TTN: variants seen among roughly 807,000 people sequenced by gnomAD.
TTN encodes the protein titin.
TTN carries 1,525 observed loss-of-function variants against 3,223.0 expected under a neutral mutation model. That is an observed-to-expected ratio of 0.47 (90% CI 0.45 to 0.49). The LOEUF (loss-of-function observed/expected upper bound fraction) is 0.49. Among genes scored for constraint, TTN ranks in the 20% least tolerant of loss-of-function variants. The pLI, the probability that TTN is intolerant of heterozygous loss-of-function variation, is 0.00. For synonymous variants in TTN, 14,094 were observed against 15,161.0 expected (o/e 0.93, Z 5.17); for missense variants, 40,786 against 43,424.0 (o/e 0.94, Z 5.40).
In TTN at chr2:178,774,311, C is replaced by A; in HGVS notation, c.6953G>T (p.Arg2318Leu). The change falls in exon 30 of 363, where the codon CGT (arginine) becomes CTT (leucine). Residue 2318 changes from arginine (R) to leucine (L), a missense_variant. Coordinates refer to ENST00000589042, the MANE Select transcript of TTN (RefSeq NM_001267550.2). ...SNGKYTITSR[R>L]GRQNLTVKDV... ...CTTGACCGTGAGGTTCTGACGTCCA[C>A]GACGAGATGTAATTGTATATTTGCC... 2 of 1,614,032 alleles carry A rather than the reference C, an allele frequency of 1.2e-6. No homozygotes were observed. Among genetic ancestry groups the A allele is most frequent in the South Asian group, 2.2e-5 (2 of 91,074 alleles).
chr2:178,679,840 C>T (rs900708569), intron 140 of TTN, 54 bp downstream of exon 140: 3 of 1,600,718 alleles, frequency 1.9e-6, no homozygotes, highest in African/African-American at 1.3e-5. Context: ...CCAAATCAGA[C>T]CCCCAAACTC....
chr2:178,532,785 G>A lies in TTN; in HGVS notation c.103830C>T (p.Arg34610=), dbSNP rs1321633640. 2 of 1,613,838 alleles carry A rather than the reference G, an allele frequency of 1.2e-6. No homozygotes were observed. Among genetic ancestry groups the A allele is most frequent in the African/African-American group, 1.3e-5 (1 of 74,930 alleles). The change falls in exon 358 of 363, where the codon CGC becomes CGT. Residue 34610 remains arginine (R), a synonymous_variant. Transcript: ENST00000589042. ...WEQFYVMPLP[R]ITDQYRPKWR... ...ATTTAGGTCTGTATTGATCTGTAAT[G>A]CGTGGAAGAGGCATCACATAGAACT... is the stretch of plus-strand genomic sequence containing the variant.
rs751883286 is a variant in TTN, at chr2:178,589,786, T to G, written c.61939A>C (p.Lys20647Gln). 6.2e-7 allele frequency: 1 copy of G among 1,613,592 alleles called. No individual in the cohort carries two copies. The highest frequency in any genetic ancestry group is 1.7e-5 in the Admixed American group (1 of 59,998). The change falls in exon 304 of 363, where the codon AAA (lysine) becomes CAA (glutamine). Residue 20647 changes from lysine (K) to glutamine (Q), a missense_variant. Coordinates refer to ENST00000589042, the MANE Select transcript of TTN (RefSeq NM_001267550.2). ...TCGATGGTTGGCCCAACACCTACTT[T>G]ATTCTCTGCACAAACTCGGAAATAG... is the stretch of plus-strand genomic sequence containing the variant. Reference protein sequence around the residue: ...EYYFRVCAENKVGVGPTIETK... With the variant: ...EYYFRVCAENQVGVGPTIETK...
At position 178,589,612 on chromosome 2, in the gene TTN, C is replaced by T. The variant is rs1318869377; in HGVS notation, c.62113G>A (p.Val20705Ile). 2 of 1,613,108 alleles carry T rather than the reference C, an allele frequency of 1.2e-6. No individual in the cohort carries two copies. Among genetic ancestry groups the T allele is most frequent in the African/African-American group, 1.3e-5 (1 of 74,876 alleles). The change falls in exon 304 of 363, where the codon GTT (valine) becomes ATT (isoleucine). Residue 20705 changes from valine (V) to isoleucine (I), a missense_variant. Transcript: ENST00000589042. ...TCGGAGCCCTTAAGCCTTCTCTCAACATGATATGACAGATTTGGACTGCCA... is the reference window on the plus strand; with the variant it reads ...TCGGAGCCCTTAAGCCTTCTCTCAATATGATATGACAGATTTGGACTGCCA... ...DGGSPNLSYHVERRLKGSDDW... is the reference protein window; with the variant it reads ...DGGSPNLSYHIERRLKGSDDW...
rs773477768 is a variant in TTN, at chr2:178,578,919, C to T, written c.68111G>A (p.Arg22704Lys). 1 of 1,613,278 alleles carries T rather than the reference C, an allele frequency of 6.2e-7. No homozygotes were observed. Among genetic ancestry groups the T allele is most frequent in the South Asian group, 1.1e-5 (1 of 91,062 alleles). ...CATGCCCTCATGAAGTCTGGTTACTCTAAAGGTGGTTTTCTGGACAGCTGA... is the reference window on the plus strand; with the variant it reads ...CATGCCCTCATGAAGTCTGGTTACTTTAAAGGTGGTTTTCTGGACAGCTGA... Reference protein sequence around the residue: ...CASAVQKTTFRVTRLHEGMEY... With the variant: ...CASAVQKTTFKVTRLHEGMEY... The change falls in exon 320 of 363, where the codon AGA becomes AAA. Residue 22704 changes from arginine (R) to lysine (K), a missense_variant. By Grantham distance (26) the Arg-to-Lys change is conservative (BLOSUM62 2). Transcript: ENST00000589042.
Position 178,786,082 on chromosome 2 carries a change from G to C in TTN, c.2136C>G (p.Ala712=), listed in dbSNP as rs780975116. Residue 712 remains alanine (A), a synonymous_variant, in exon 14 of 363, where the codon GCC becomes GCG. Coordinates refer to ENST00000589042, the MANE Select transcript of TTN (RefSeq NM_001267550.2). ...CAGGCTCTCTGGGCTCTCTGACTCG[G>C]GCCTGGTCTACTGCAGCAACAACTG... ...VATVVAAVDQ[A]RVREPREPGH... 1.2e-6 allele frequency: 2 copies of C among 1,613,960 alleles called. No individual in the cohort carries two copies. Among genetic ancestry groups the C allele is most frequent in the South Asian group, 2.2e-5 (2 of 91,062 alleles).
rs61060584 is a variant in TTN at position 178,677,335 on chromosome 2, CATATATAT to C, written c.34292-56_34292-49del. The C allele has an allele frequency of 3.7e-3, 931 of 251,880 alleles. 55 individuals are homozygous for C. The South Asian group carries it at 0.053, about 14-fold the overall frequency. 15.6% of individuals were successfully genotyped at this position (251,880 alleles called of 1,614,324 possible). ...GCATTAAAAACCACATATACATGGT[CATATATAT>C]ATATATATATATATATATGAAAGAG... is the stretch of plus-strand genomic sequence containing the variant. On this transcript the variant is annotated intron_variant, in intron 146 of 362. Transcript: ENST00000589042.
In TTN at chr2:178,652,641, A is replaced by T. The variant is rs1384372594; in HGVS notation, c.39043+12T>A. On this transcript the variant is annotated intron_variant, in intron 201 of 362. Transcript: ENST00000589042. ...GATAGATCTTCTGACGCTTAAACTC[A>T]ATGACAAATACCTTTAACAGGTGGG... 1 of 1,612,876 alleles carries T rather than the reference A, an allele frequency of 6.2e-7. No individual in the cohort carries two copies.
rs727505050 is a variant in TTN, at chr2:178,558,410, C to T, written c.87049G>A (p.Ala29017Thr). ...ENSEYFFRVFAENQAGLSDPR... is the reference protein window; with the variant it reads ...ENSEYFFRVFTENQAGLSDPR... ...TCACTCAGGCCAGCTTGATTTTCAG[C>T]AAACACTCGGAAAAAGTATTCAGAA... Residue 29017 changes from alanine to threonine, a missense_variant, in exon 327 of 363, where the codon GCT becomes ACT. By Grantham distance (58) the Ala-to-Thr change is moderately conservative. Transcript: ENST00000589042. 1.9e-6 allele frequency: 3 copies of T among 1,613,728 alleles called. No individual in the cohort carries two copies. Among genetic ancestry groups the T allele is most frequent in the Admixed American group, 1.7e-5 (1 of 60,018 alleles).
Position 178,775,737 on chromosome 2 carries a change from T to G in TTN, c.6127A>C (p.Lys2043Gln), listed in dbSNP as rs977671605. The stretch of plus-strand genomic sequence containing the variant: ...TTCTTTTCCTCTTCAGTTAACTCTT[T>G]GGTCCAGTGGAGAAGTTCATCTTTT... Reference protein sequence around the residue: ...KTKDELLHWTKELTEEEKKAL... With the variant: ...KTKDELLHWTQELTEEEKKAL... The change falls in exon 28 of 363, where the codon AAA becomes CAA. Residue 2043 changes from lysine (K) to glutamine (Q), a missense_variant. Coordinates refer to ENST00000589042, the MANE Select transcript of TTN (RefSeq NM_001267550.2). The G allele has an allele frequency of 6.2e-7, 1 of 1,613,974 alleles. No individual in the cohort carries two copies. Among genetic ancestry groups the G allele is most frequent in the Non-Finnish European group, 8.5e-7 (1 of 1,180,008 alleles).
chr2:178,751,240 A>G (rs2085403331), intron 47 of TTN: 1 of 1,608,496 alleles, frequency 6.2e-7, no homozygotes, highest in Non-Finnish European at 8.5e-7. Context: ...ACGTATCTAA[A>G]AGAGATAATT....
In TTN at chr2:178,557,526, C is replaced by A; in HGVS notation, c.87736G>T (p.Val29246Phe). ...ATGCTTTCTCGAGTAACATTAGTGACCCATGGTGTAGATGGTGGTCCAGGT... is the reference window on the plus strand; with the variant it reads ...ATGCTTTCTCGAGTAACATTAGTGAACCATGGTGTAGATGGTGGTCCAGGT... ...TTPGPPSTPW[V>F]TNVTRESITV... Residue 29246 changes from valine to phenylalanine, a missense_variant, in exon 329 of 363, where the codon GTC becomes TTC. Val to Phe is a conservative substitution (Grantham distance 50). Coordinates refer to ENST00000589042, the MANE Select transcript of TTN (RefSeq NM_001267550.2). The A allele has an allele frequency of 1.2e-6, 2 of 1,613,888 alleles. No individual in the cohort carries two copies. The highest frequency in any genetic ancestry group is 2.7e-5 in the African/African-American group (2 of 75,054).
rs1693533292 is a variant in TTN, at chr2:178,539,858, C to T, written c.98207G>A (p.Cys32736Tyr). ...ATCCTGGCCTTCCTTGGTCCATTTA[C>T]ATATTGGGAATGGTTTTCCTTTGAT... The part of the protein sequence containing the change: ...IPIKGKPFPI[C>Y]KWTKEGQDIS... The change falls in exon 352 of 363, where the codon TGT becomes TAT. Residue 32736 changes from cysteine (C) to tyrosine (Y), a missense_variant. Transcript: ENST00000589042. The T allele has an allele frequency of 1.2e-6, 2 of 1,613,812 alleles. No homozygotes were observed. The highest frequency in any genetic ancestry group is 1.1e-5 in the South Asian group (1 of 91,082).
Position 178,563,766 on chromosome 2 carries a change from A to T in TTN, c.82366T>A (p.Leu27456Met). ...AVNKYGIGEP[L>M]ESGPVTACNP... ...CAGGCCGTAACAGGCCCAGATTCCAAGGGCTCTCCAATTCCATATTTATTC... is the reference window on the plus strand; with the variant it reads ...CAGGCCGTAACAGGCCCAGATTCCATGGGCTCTCCAATTCCATATTTATTC... Residue 27456 changes from leucine to methionine, a missense_variant, in exon 326 of 363, where the codon TTG becomes ATG. Physicochemically the swap from Leu to Met is conservative, Grantham distance 15. Coordinates refer to ENST00000589042, the MANE Select transcript of TTN (RefSeq NM_001267550.2). This position sits in a 1 kb window ranked among gnomAD's most constrained non-coding sequence, Gnocchi z 4.5. The T allele has an allele frequency of 1.2e-6, 2 of 1,613,714 alleles. No individual in the cohort carries two copies. Among genetic ancestry groups the T allele is most frequent in the Non-Finnish European group, 1.7e-6 (2 of 1,179,740 alleles).
Position 178,784,236 on chromosome 2 carries a change from C to G in TTN, c.2609G>C (p.Arg870Thr). ...KAPTVKPSETRVRAEPTPLPQ... is the reference protein window; with the variant it reads ...KAPTVKPSETTVRAEPTPLPQ... ...CAAGGGTGTGGGCTCTGCCCTTACT[C>G]TAGTCTCACTGGGCTTCACAGTAGG... Residue 870 changes from arginine (R) to threonine (T), a missense_variant, in exon 16 of 363, where the codon AGA becomes ACA. Transcript: ENST00000589042. 1 of 1,614,142 alleles carries G rather than the reference C, an allele frequency of 6.2e-7. No individual in the cohort carries two copies. Among genetic ancestry groups the G allele is most frequent in the Non-Finnish European group, 8.5e-7 (1 of 1,180,016 alleles).
At chr2:178,800,725 G>C in intron 3 of TTN, 43 bp from the exon 4 acceptor site, 1 of 1,568,152 alleles carries the variant, frequency 6.4e-7, no homozygotes, top group Non-Finnish European at 8.6e-7. Flanking sequence ...GAGCCAGGGT[G>C]CTCCCTACAA....
intron 111 of TTN, among the ~76,000 whole-genome samples, chr2:178,699,242 T>A (rs2074312491): frequency 6.6e-6 from 1 of 152,048 alleles, no homozygotes; most frequent in African/African-American, 2.4e-5. Context: ...CTTTGCTTCA[T>A]CCTTAGGGAC....
In TTN at chr2:178,561,059, A is replaced by C. The variant is rs766947305; in HGVS notation, c.85073T>G (p.Met28358Arg). ...AACGTCTCGGAACTTGACATCCATC[A>C]TAACTCTTGGAGGCTCAACATCATC... The part of the protein sequence containing the change: ...VKDDVEPPRV[M>R]MDVKFRDVIV... Residue 28358 changes from methionine (M) to arginine (R), a missense_variant, in exon 326 of 363, where the codon ATG (methionine) becomes AGG (arginine). Transcript: ENST00000589042. 1.2e-6 allele frequency: 2 copies of C among 1,613,868 alleles called. No individual in the cohort carries two copies. Among genetic ancestry groups the C allele is most frequent in the South Asian group, 2.2e-5 (2 of 91,078 alleles).
chr2:178,695,278 C>T, intron 115 of TTN, 70 bp downstream of exon 115: 1 of 1,237,976 alleles, frequency 8.1e-7, no homozygotes, highest in Non-Finnish European at 1.2e-6. Context: ...CTGATTTATA[C>T]ATTGCTGCCA....
Sources: allele counts gnomAD v4.1 joint callset (sites outside exome capture counted in the v4.1 genomes callset), GRCh38; gene constraint gnomAD v4.1.1; non-coding constraint Gnocchi (gnomAD v3.1); transcripts MANE v1.5; gene names NCBI Gene and HGNC (gene_info 2026-07-23, HGNC 2026-07-21).